Variants in SWT1 observed in about 807,000 individuals in gnomAD.
SWT1 encodes transcriptional protein SWT1.
SWT1 carries 33 observed loss-of-function variants against 107.3 expected under a neutral mutation model. The ratio of observed to expected loss-of-function variants is 0.31; its 90% CI spans 0.23 to 0.41. The LOEUF is 0.41. Ranked by LOEUF, SWT1 falls within the 10% of genes least tolerant of loss-of-function variation. SWT1 has a pLI of 1.00. For synonymous variants in SWT1, 345 were observed against 348.3 expected (o/e 0.99, Z 0.11); for missense variants, 898 against 1,028.9 (o/e 0.87, Z 1.74).
chr1:185,249,559 A>T (rs1468968932), intron 16 of SWT1, among the ~76,000 whole-genome samples: 1 of 152,098 alleles, frequency 6.6e-6, no homozygotes, highest in Admixed American at 6.6e-5. Flanking sequence ...CTCCCTGGGT[A>T]TGGCTCCTTC....
At chr1:185,173,362 T>C (rs1301844988) in intron 4 of SWT1, among the ~76,000 whole-genome samples, 1 of 151,988 alleles carries the variant, frequency 6.6e-6, no homozygotes, top group African/African-American at 2.4e-5. Context: ...TTATCCTTTG[T>C]TATTTCTCCC....
intron 15 of SWT1, 103 bp from the exon 16 acceptor site, chr1:185,231,474 T>C (rs1660501178): frequency 1.2e-6 from 1 of 818,232 alleles, no homozygotes; most frequent in Admixed American, 2.3e-5. Context: ...GAGAGATTAG[T>C]GATAATAAAT....
intron 16 of SWT1, among the ~76,000 whole-genome samples, chr1:185,265,906 CTT>C (rs920951559): frequency 6.6e-6 from 1 of 151,954 alleles, no homozygotes; most frequent in Non-Finnish European, 1.5e-5. Context: ...CCTTTTAAAA[CTT>C]TTTTTCACAC....
intron 13 of SWT1, among the ~76,000 whole-genome samples, chr1:185,208,813 A>G (rs1042156190): frequency 6.6e-6 from 1 of 151,380 alleles, no homozygotes; most frequent in Non-Finnish European, 1.5e-5. Context: ...CTAATCTAGG[A>G]TGCATAGCTG....
rs1378905430 is a variant in SWT1, at chr1:185,184,870, T to C, written c.1368T>C (p.Ser456=). 3.2e-6 allele frequency: 5 copies of C among 1,543,790 alleles called. No individual in the cohort carries two copies. The highest frequency in any genetic ancestry group is 2.2e-5 in the Admixed American group (1 of 44,952). The change falls in exon 9 of 19, where the codon AGT becomes AGC. Residue 456 remains serine (S), a synonymous_variant. Transcript: ENST00000367500. ...AIPAVHFIND[S]LKNQDRKLWG... ...CTGCAGTTCATTTCATCAACGACAG[T>C]CTCAAAAATCAAGATAGAAAGCTAT...
chr1:185,254,666 T>C lies in SWT1; in HGVS notation c.2442-16657T>C, dbSNP rs376528500. ...TTTATTGTGTCTATTTGATTCTTCT[T>C]TCTTTTTTTCTTTATTAGTCTTGCT... On this transcript the variant is annotated intron_variant, in intron 16 of 18. Transcript: ENST00000367500. Among the ~76,000 whole-genome samples the C allele has an allele frequency of 4.4e-3, 667 of 151,546 alleles. 19 individuals are homozygous for C. In the East Asian group the frequency reaches 0.063, roughly 14 times the overall value.
At chr1:185,166,540 T>C (rs1474229108) in intron 2 of SWT1, 32 bp from the exon 3 acceptor site, 1 of 1,450,506 alleles carries the variant, frequency 6.9e-7, no homozygotes, top group Non-Finnish European at 9.6e-7. Flanking sequence ...TTTTGTGCTT[T>C]TTAAAATTCA....
At chr1:185,223,165 C>T (rs373675175) in intron 15 of SWT1, among the ~76,000 whole-genome samples, 62 of 152,266 alleles carry the variant, frequency 4.1e-4, no homozygotes, top group African/African-American at 1.4e-3. Context: ...ACAAATCTCA[C>T]TAACAGTGTA....
At chr1:185,269,411 G>A (rs538962702) in intron 16 of SWT1, among the ~76,000 whole-genome samples, 1 of 148,406 alleles carries the variant, frequency 6.7e-6, no homozygotes, top group South Asian at 2.1e-4. Flanking sequence ...TACTTGTTGG[G>A]AGAAAAACTT....
intron 16 of SWT1, among the ~76,000 whole-genome samples, chr1:185,241,683 A>T (rs1288387071): frequency 6.6e-6 from 1 of 152,102 alleles, no homozygotes; most frequent in Non-Finnish European, 1.5e-5. Context: ...CACATAGTAG[A>T]TGGTCAGTAA....
intron 10 of SWT1, among the ~76,000 whole-genome samples, chr1:185,200,997 C>T (rs180948581): frequency 3.3e-5 from 5 of 152,194 alleles, no homozygotes; most frequent in African/African-American, 7.2e-5. Context: ...GGCTTTGGGG[C>T]GCTGCGGTGG....
chr1:185,159,766 C>T (rs971067396), intron 1 of SWT1, among the ~76,000 whole-genome samples: 2 of 152,016 alleles, frequency 1.3e-5, no homozygotes, highest in African/African-American at 4.8e-5. Context: ...GCACTTGTCA[C>T]CCAGGCTGGA....
intron 5 of SWT1, 140 bp downstream of exon 5, chr1:185,175,253 C>T (rs1490651930): frequency 2.4e-5 from 18 of 750,832 alleles, no homozygotes; most frequent in Non-Finnish European, 3.5e-5. Context: ...GACAGGGTCT[C>T]ACTCCGTTGC....
intron 16 of SWT1, among the ~76,000 whole-genome samples, chr1:185,243,994 G>A (rs1308605255): frequency 2.0e-5 from 3 of 151,880 alleles, no homozygotes; most frequent in African/African-American, 4.8e-5. Context: ...AGAATGTATC[G>A]ATCAGCCTTC....
rs117542088 is a variant in SWT1 at position 185,183,287 on chromosome 1, G to T, written c.1139-956G>T. On this transcript the variant is annotated intron_variant, in intron 7 of 18. Coordinates refer to ENST00000367500, the MANE Select transcript of SWT1 (RefSeq NM_017673.7). ...TTTTTTCTTTTTTTGTTTGTTTGTG[G>T]GTTTTTCTTTTGTTTTTGTTTTTTT... Among the ~76,000 whole-genome samples the T allele has an allele frequency of 1.2e-3, 178 of 152,026 alleles. 2 individuals are homozygous for T. The East Asian group carries it at 0.028, about 24-fold the overall frequency.
rs61824086 is a variant in SWT1 at position 185,204,515 on chromosome 1, G to T, written c.1670-185G>T. 9.0e-3 allele frequency among the ~76,000 whole-genome samples: 1,363 copies of T among 151,984 alleles called. 16 individuals are homozygous for T. Among genetic ancestry groups the T allele is most frequent in the Admixed American group, 0.014 (220 of 15,262 alleles). Reference sequence around the variant, plus strand: ...TTTGTTAAAGTAATATATTTATGTTGCATCTAAAGCAACTATAATAGAGAT... The same window carrying T: ...TTTGTTAAAGTAATATATTTATGTTTCATCTAAAGCAACTATAATAGAGAT... On this transcript the variant is annotated intron_variant, in intron 11 of 18. Coordinates refer to ENST00000367500, the MANE Select transcript of SWT1 (RefSeq NM_017673.7).
rs1271398416 is a variant in SWT1 at position 185,291,272 on chromosome 1, TA to T, written c.*470del. 4 of 152,684 alleles carry T rather than the reference TA, an allele frequency of 2.6e-5. No individual in the cohort carries two copies. In the East Asian group the frequency reaches 7.7e-4, roughly 29 times the overall value. The allele number at this position is 152,684 out of a possible 1,614,324, so 9.5% of individuals were successfully genotyped here. A position where few individuals can be genotyped will look rare whatever the true frequency, so the allele number is the denominator to read the frequency against. ...TGAAATCTTAATGTGGGCTGTTTTT[TA>T]TGATCAAACTGTCATCCATGTTGAC... is the stretch of plus-strand genomic sequence containing the variant. On this transcript the variant is annotated 3_prime_UTR_variant, in exon 19 of 19. Coordinates refer to ENST00000367500, the MANE Select transcript of SWT1 (RefSeq NM_017673.7).
intron 10 of SWT1, among the ~76,000 whole-genome samples, chr1:185,199,659 C>G (rs1439666610): frequency 2.6e-5 from 4 of 152,188 alleles, no homozygotes; most frequent in African/African-American, 9.7e-5. Flanking sequence ...CGACTTTTCT[C>G]TCCGACTGCC....
intron 10 of SWT1, among the ~76,000 whole-genome samples, chr1:185,197,979 G>T (rs1023677583): frequency 1.8e-4 from 27 of 152,034 alleles, no homozygotes; most frequent in Non-Finnish European, 3.8e-4. Flanking sequence ...TCTTCTGCTA[G>T]CTTTTGAATT....
Sources: gnomAD v4.1 joint callset for allele counts (sites outside exome capture counted in the v4.1 genomes callset) on GRCh38, gnomAD v4.1.1 for gene constraint, MANE v1.5 for transcripts, NCBI Gene and HGNC (gene_info 2026-07-23, HGNC 2026-07-21) for gene names.